CRYL1: variants seen among roughly 807,000 people sequenced by gnomAD.
The protein encoded by CRYL1 is crystallin lambda 1, also known as lambda-crystallin homolog.
A neutral mutation model predicts 36.6 loss-of-function variants in CRYL1; 29 were observed. The observed-to-expected ratio is 0.79, with a 90% CI of 0.59 to 1.08. CRYL1 has a LOEUF of 1.08. Ranked by LOEUF, CRYL1 falls within the 50% of genes least tolerant of loss-of-function variation. The pLI, the probability that CRYL1 is intolerant of heterozygous loss-of-function variation, is 0.00. For synonymous variants in CRYL1, 152 were observed against 151.5 expected, an observed-to-expected ratio of 1.00 and a Z score of -0.02; for missense variants, 411 against 407.9, an observed-to-expected ratio of 1.01 and a Z score of -0.06.
At chr13:20,508,304 T>A (rs1020083943) in intron 2 of CRYL1, among the ~76,000 whole-genome samples, 6 of 152,166 alleles carry the variant, frequency 3.9e-5, no homozygotes, top group African/African-American at 1.4e-4. Context: ...AGGAGAAGCA[T>A]TTTTTAGCAG....
At chr13:20,470,180 T>G (rs1170682199) in intron 3 of CRYL1, among the ~76,000 whole-genome samples, 1 of 152,146 alleles carries the variant, frequency 6.6e-6, no homozygotes, top group Non-Finnish European at 1.5e-5. Flanking sequence ...AGAATCAGCT[T>G]TGGAAGGGGC....
At chr13:20,499,345 C>CAA (rs34461619) in intron 2 of CRYL1, among the ~76,000 whole-genome samples, 6,889 of 114,408 alleles carry the variant, frequency 0.06, 278 homozygotes, top group Non-Finnish European at 0.081. Context: ...GACCCTGTCT[C>CAA]AAAAAAAAAA....
intron 3 of CRYL1, 176 bp from the exon 4 acceptor site, chr13:20,439,930 C>A (rs1461077382): frequency 1.3e-5 from 8 of 596,026 alleles, no homozygotes; most frequent in African/African-American, 1.3e-4. Flanking sequence ...GCAGGGAGGT[C>A]CCTCTGCCCT....
intron 6 of CRYL1, among the ~76,000 whole-genome samples, chr13:20,411,742 T>C (rs1005308624): frequency 5.9e-5 from 9 of 152,234 alleles, no homozygotes; most frequent in African/African-American, 2.2e-4. Context: ...TCTTCTTCTA[T>C]TCAGTGGTTA....
intron 5 of CRYL1, 131 bp downstream of exon 5, chr13:20,431,971 A>C: frequency 6.4e-7 from 1 of 1,554,298 alleles, no homozygotes; most frequent in South Asian, 1.2e-5. Flanking sequence ...AAGAAGAAGC[A>C]AGCAGCCTCT....
chr13:20,512,003 G>A (rs1023811895), intron 2 of CRYL1, among the ~76,000 whole-genome samples: 7 of 152,194 alleles, frequency 4.6e-5, no homozygotes, highest in African/African-American at 1.7e-4. Context: ...TAAAATTCAA[G>A]ATGTTTTCAT....
chr13:20,497,815 TAC>T (rs1387464940), intron 2 of CRYL1, among the ~76,000 whole-genome samples: 2 of 142,644 alleles, frequency 1.4e-5, no homozygotes, highest in Non-Finnish European at 3.1e-5. Flanking sequence ...ATATACATAC[TAC>T]ACACACACCA....
Position 20,404,652 on chromosome 13 carries a change from C to T in CRYL1, c.829G>A (p.Ala277Thr), listed in dbSNP as rs377245202. 5.6e-6 allele frequency: 9 copies of T among 1,611,748 alleles called. No individual in the cohort carries two copies. The African/African-American group carries it at 1.2e-4, about 22-fold the overall frequency. Residue 277 changes from alanine to threonine, a missense_variant, in exon 7 of 8, where the codon GCT becomes ACT. Physicochemically the swap from Ala to Thr is moderately conservative, Grantham distance 58. Transcript: ENST00000298248. ...TTACATACCTGGTTAACCTTCTCAG[C>T]AGTGGCCCTGGAAAACTCTGGAATG... ...GPIPEFSRAT[A>T]EKVNQDMCMK...
chr13:20,478,987 C>T lies in CRYL1; in HGVS notation c.276+10383G>A, dbSNP rs954831724. ...CCATGTTGGCCAGGATGGTCTCAAT[C>T]TCCTGACCTGATGATCCCCCGACCT... is the stretch of plus-strand genomic sequence containing the variant. On this transcript the variant is annotated intron_variant, in intron 3 of 7. Coordinates refer to ENST00000298248, the MANE Select transcript of CRYL1 (RefSeq NM_015974.3). Among the ~76,000 whole-genome samples, 5 of 151,350 alleles carry T rather than the reference C, an allele frequency of 3.3e-5. No homozygotes were observed. In the South Asian group the frequency reaches 6.3e-4, roughly 19 times the overall value.
Position 20,481,985 on chromosome 13 carries a change from C to G in CRYL1, c.276+7385G>C, listed in dbSNP as rs528385018. Among the ~76,000 whole-genome samples, 166 of 152,244 alleles carry G rather than the reference C, an allele frequency of 1.1e-3. No homozygotes were observed. Among genetic ancestry groups the G allele is most frequent in the African/African-American group, 3.7e-3 (154 of 41,554 alleles). On this transcript the variant is annotated intron_variant, in intron 3 of 7. Coordinates refer to ENST00000298248, the MANE Select transcript of CRYL1 (RefSeq NM_015974.3). This position sits in a 1 kb window ranked among gnomAD's most constrained non-coding sequence, Gnocchi z 4.1. ...TTCCTCGCACATTCCCGAATATTCT[C>G]AGGGCTGGCCATCCCATGTGTCCAA... is the stretch of plus-strand genomic sequence containing the variant.
chr13:20,404,663 G>T lies in CRYL1; in HGVS notation c.818C>A (p.Ser273Tyr). The T allele has an allele frequency of 1.2e-6, 2 of 1,613,730 alleles. No individual in the cohort carries two copies. Among genetic ancestry groups the T allele is most frequent in the Non-Finnish European group, 1.7e-6 (2 of 1,179,646 alleles). Residue 273 changes from serine to tyrosine, a missense_variant, in exon 7 of 8, where the codon TCC (serine) becomes TAC (tyrosine). Ser to Tyr is a moderately radical substitution (Grantham distance 144, BLOSUM62 -2). Coordinates refer to ENST00000298248, the MANE Select transcript of CRYL1 (RefSeq NM_015974.3). ...LQTFGPIPEF[S>Y]RATAEKVNQD... ...GTTAACCTTCTCAGCAGTGGCCCTG[G>T]AAAACTCTGGAATGGGTCCAAAAGT... is the stretch of plus-strand genomic sequence containing the variant.
chr13:20,477,984 T>TA (rs1038847888), intron 3 of CRYL1, among the ~76,000 whole-genome samples: 1 of 147,000 alleles, frequency 6.8e-6, no homozygotes, highest in Non-Finnish European at 1.5e-5. Flanking sequence ...TATATATATA[T>TA]ATGTATATAA....
intron 5 of CRYL1, among the ~76,000 whole-genome samples, chr13:20,419,944 A>G (rs1259714683): frequency 6.6e-6 from 1 of 152,198 alleles, no homozygotes; most frequent in Non-Finnish European, 1.5e-5. Context: ...TTCCAGGGAG[A>G]AGGTGAGGCC....
chr13:20,431,230 G>T, intron 5 of CRYL1: 1 of 985,448 alleles, frequency 1.0e-6, no homozygotes, highest in Non-Finnish European at 1.2e-6. Flanking sequence ...TCTCAGGCAA[G>T]GCTCGGTGTG....
chr13:20,492,828 AG>A lies in CRYL1; in HGVS notation c.150-3333del, dbSNP rs58305872. 9.5e-3 allele frequency among the ~76,000 whole-genome samples: 1,447 copies of A among 152,330 alleles called. 21 individuals are homozygous for A. The highest frequency in any genetic ancestry group is 0.034 in the African/African-American group (1,397 of 41,574). On this transcript the variant is annotated intron_variant, in intron 2 of 7. Coordinates refer to ENST00000298248, the MANE Select transcript of CRYL1 (RefSeq NM_015974.3). ...GGATGATATGCAATTTGCTCCTGCC[AG>A]GCACTTGGGGGTGCTACCAACCAAG...
chr13:20,476,627 G>T (rs969133503), intron 3 of CRYL1, among the ~76,000 whole-genome samples: 1 of 152,248 alleles, frequency 6.6e-6, no homozygotes, highest in African/African-American at 2.4e-5. Flanking sequence ...GCCCAAGCCG[G>T]AAGAAAAACA....
intron 2 of CRYL1, among the ~76,000 whole-genome samples, chr13:20,500,153 A>G (rs1000947820): frequency 6.6e-6 from 1 of 152,210 alleles, no homozygotes; most frequent in African/African-American, 2.4e-5. Flanking sequence ...CTAATGGAGG[A>G]CTGAAATAAC....
intron 3 of CRYL1, among the ~76,000 whole-genome samples, chr13:20,482,807 C>A (rs139354604): frequency 7.9e-4 from 121 of 152,318 alleles, no homozygotes; most frequent in Non-Finnish European, 1.3e-3. Context: ...ACTCTGCCTC[C>A]TGCTTGTGAA....
intron 3 of CRYL1, among the ~76,000 whole-genome samples, chr13:20,458,630 T>C (rs2032737211): frequency 6.6e-6 from 1 of 152,226 alleles, no homozygotes; most frequent in African/African-American, 2.4e-5. Flanking sequence ...TTATACGCTT[T>C]TTAAAAATAG....
Sources: allele counts gnomAD v4.1 joint callset (sites outside exome capture counted in the v4.1 genomes callset), GRCh38; gene constraint gnomAD v4.1.1; non-coding constraint Gnocchi (gnomAD v3.1); transcripts MANE v1.5; gene names NCBI Gene and HGNC (gene_info 2026-07-23, HGNC 2026-07-21).